Variants in TUBAL3 observed in about 807,000 individuals in gnomAD.
TUBAL3 encodes tubulin alpha chain-like 3.
Under a neutral mutation model 15.5 loss-of-function variants are expected in TUBAL3, and 16 were observed. The ratio of observed to expected loss-of-function variants is 1.04; its 90% CI spans 0.70 to 1.57. The LOEUF (loss-of-function observed/expected upper bound fraction) is 1.57, where lower values mean the gene tolerates loss of function less well. Ranked by LOEUF, TUBAL3 falls within the 40% of genes most tolerant of loss-of-function variation. TUBAL3 has a pLI of 0.00. For missense variants in TUBAL3, 609 were observed against 576.2 expected (o/e 1.06, Z -0.58); for synonymous variants, 238 against 224.3 (o/e 1.06, Z -0.55).
intron 1 of TUBAL3, among the ~76,000 whole-genome samples, chr10:5,403,301 C>T (rs1466304739): frequency 6.6e-6 from 1 of 152,182 alleles, no homozygotes; most frequent in Non-Finnish European, 1.5e-5. Flanking sequence ...GCTGCAAATA[C>T]ATCAGCTGCT....
rs1477840442 is a variant in TUBAL3, at chr10:5,394,943, G to A, written c.396+384C>T. ...ATTAATTATCAGTAAATAGAGTCAC[G>A]CATCTCCAGATAGGGAGTGCCTCTT... On this transcript the variant is annotated intron_variant, in intron 3 of 3. Transcript: ENST00000380419. This position sits in a 1 kb window ranked among gnomAD's most constrained non-coding sequence, Gnocchi z 4.3. Among the ~76,000 whole-genome samples the A allele has an allele frequency of 1.3e-5, 2 of 152,148 alleles. No individual in the cohort carries two copies. The highest frequency in any genetic ancestry group is 4.8e-5 in the African/African-American group (2 of 41,418).
intron 2 of TUBAL3, among the ~76,000 whole-genome samples, chr10:5,400,404 G>A (rs1831831746): frequency 6.6e-6 from 1 of 152,176 alleles, no homozygotes; most frequent in Admixed American, 6.5e-5. Flanking sequence ...GACTAAGGCA[G>A]GTGGGTCACT....
At chr10:5,401,733 A>G (rs782799454) in intron 1 of TUBAL3, among the ~76,000 whole-genome samples, 4 of 152,156 alleles carry the variant, frequency 2.6e-5, no homozygotes, top group Non-Finnish European at 5.9e-5. Flanking sequence ...AATTGATTTT[A>G]TATACATCAA....
chr10:5,403,198 A>G (rs532734751), intron 1 of TUBAL3, among the ~76,000 whole-genome samples: 1 of 152,348 alleles, frequency 6.6e-6, no homozygotes, highest in East Asian at 1.9e-4. Flanking sequence ...CTCTCAAGAC[A>G]GCATATTCTG....
intron 1 of TUBAL3, among the ~76,000 whole-genome samples, chr10:5,402,600 C>T (rs10795274): frequency 0.65 from 99,021 of 152,052 alleles, 32,460 homozygotes; most frequent in Admixed American, 0.72. Flanking sequence ...CCCCAACCCC[C>T]GGGCCACAGA....
In TUBAL3 at chr10:5,395,884, C is replaced by A. The variant is rs1427060843; in HGVS notation, c.248-409G>T. Among the ~76,000 whole-genome samples the A allele has an allele frequency of 6.6e-6, 1 of 152,166 alleles. No homozygotes were observed. Among genetic ancestry groups the A allele is most frequent in the Admixed American group, 6.5e-5 (1 of 15,280 alleles). ...ATCTCTCCTGGCACCGGGTGACTTA[C>A]AATTCTTAGCTCTCCTTGGCTTCTA... On this transcript the variant is annotated intron_variant, in intron 2 of 3. Transcript: ENST00000380419. This position sits in a 1 kb window ranked among gnomAD's most constrained non-coding sequence, Gnocchi z 4.6.
chr10:5,403,212 T>C (rs1173010149), intron 1 of TUBAL3, among the ~76,000 whole-genome samples: 1 of 152,212 alleles, frequency 6.6e-6, no homozygotes, highest in African/African-American at 2.4e-5. Context: ...TATTCTGTTA[T>C]AAACAGGCTT....
intron 1 of TUBAL3, among the ~76,000 whole-genome samples, chr10:5,403,312 G>A (rs934575309): frequency 6.6e-6 from 1 of 152,142 alleles, no homozygotes; most frequent in African/African-American, 2.4e-5. Flanking sequence ...ATCAGCTGCT[G>A]TAATCTGATC....
In TUBAL3 at chr10:5,393,601, G is replaced by C. The variant is rs1554813701; in HGVS notation, c.1257C>G (p.Gly419=). ...RAFLHWYLRE[G]MEEAEFLEAR... ...CCTCCAAGAACTCTGCTTCTTCCAT[G>C]CCTTCTCTGAGGTACCAGTGCAGAA... The change falls in exon 4 of 4, where the codon GGC becomes GGG. Residue 419 remains glycine, a synonymous_variant. Coordinates refer to ENST00000380419, the MANE Select transcript of TUBAL3 (RefSeq NM_024803.3). 3 of 1,614,056 alleles carry C rather than the reference G, an allele frequency of 1.9e-6. No homozygotes were observed. Among genetic ancestry groups the C allele is most frequent in the Admixed American group, 3.3e-5 (2 of 60,002 alleles).
chr10:5,400,948 T>A lies in TUBAL3; in HGVS notation c.143A>T (p.Lys48Ile). 1 of 1,614,216 alleles carries A rather than the reference T, an allele frequency of 6.2e-7. No individual in the cohort carries two copies. Among genetic ancestry groups the A allele is most frequent in the Non-Finnish European group, 8.5e-7 (1 of 1,180,040 alleles). ...DTQQDQLENA[K>I]MEHTNASFDT... Reference sequence around the variant, plus strand: ...GAAAGATGCATTTGTGTGCTCCATTTTTGCATTTTCCAGCTGATCCTGTTG... The same window carrying A: ...GAAAGATGCATTTGTGTGCTCCATTATTGCATTTTCCAGCTGATCCTGTTG... Residue 48 changes from lysine to isoleucine, a missense_variant, in exon 2 of 4, where the codon AAA becomes ATA. By Grantham distance (102) the Lys-to-Ile change is moderately radical. Coordinates refer to ENST00000380419, the MANE Select transcript of TUBAL3 (RefSeq NM_024803.3).
rs782390801 is a variant in TUBAL3, at chr10:5,395,335, G to C, written c.388C>G (p.Arg130Gly). The change falls in exon 3 of 4, where the codon CGG becomes GGG. Residue 130 changes from arginine to glycine, a missense_variant. Coordinates refer to ENST00000380419, the MANE Select transcript of TUBAL3 (RefSeq NM_024803.3). The surrounding 1 kb of genome is among the most constrained non-coding windows in gnomAD (Gnocchi z 4.6). ...EVIDLVLERT[R>G]KLAEQCGGLQ... ...GAGGGGGAGCCACTTGCCAGCTTCC[G>C]GGTCCTCTCCAGCACAAGGTCGATG... 1.3e-6 allele frequency: 2 copies of C among 1,553,236 alleles called. No individual in the cohort carries two copies. The highest frequency in any genetic ancestry group is 1.8e-6 in the Non-Finnish European group (2 of 1,142,400).
chr10:5,396,320 C>A lies in TUBAL3; in HGVS notation c.248-845G>T, dbSNP rs1361659062. ...GTCAGGAGCTTGAGACCAGCCTGGC[C>A]AACATGGTGAAACCCTGTCTCTACT... On this transcript the variant is annotated intron_variant, in intron 2 of 3. Coordinates refer to ENST00000380419, the MANE Select transcript of TUBAL3 (RefSeq NM_024803.3). The surrounding 1 kb of genome is among the most constrained non-coding windows in gnomAD (Gnocchi z 5.1). Among the ~76,000 whole-genome samples the A allele has an allele frequency of 6.6e-6, 1 of 152,070 alleles. No homozygotes were observed. The highest frequency in any genetic ancestry group is 1.5e-5 in the Non-Finnish European group (1 of 67,976).
chr10:5,399,644 C>T (rs1554814464), intron 2 of TUBAL3, among the ~76,000 whole-genome samples: 1 of 152,244 alleles, frequency 6.6e-6, no homozygotes, highest in Non-Finnish European at 1.5e-5. Context: ...CTTTGTACTT[C>T]TATCACCCAG....
chr10:5,397,403 G>A lies in TUBAL3; in HGVS notation c.248-1928C>T, dbSNP rs1371807112. On this transcript the variant is annotated intron_variant, in intron 2 of 3. Coordinates refer to ENST00000380419, the MANE Select transcript of TUBAL3 (RefSeq NM_024803.3). This position sits in a 1 kb window ranked among gnomAD's most constrained non-coding sequence, Gnocchi z 4.9. ...ATAAGTGAAAGTGTAATTCTGGGTG[G>A]ACTATTTCCTTCTTATCTGAAGCTA... 1.3e-5 allele frequency among the ~76,000 whole-genome samples: 2 copies of A among 152,136 alleles called. No homozygotes were observed. Among genetic ancestry groups the A allele is most frequent in the Non-Finnish European group, 2.9e-5 (2 of 68,022 alleles).
chr10:5,396,820 T>C lies in TUBAL3; in HGVS notation c.248-1345A>G, dbSNP rs143975272. Among the ~76,000 whole-genome samples the C allele has an allele frequency of 3.9e-5, 6 of 152,232 alleles. No homozygotes were observed. The highest frequency in any genetic ancestry group is 1.4e-4 in the African/African-American group (6 of 41,444). On this transcript the variant is annotated intron_variant, in intron 2 of 3. Coordinates refer to ENST00000380419, the MANE Select transcript of TUBAL3 (RefSeq NM_024803.3). This position sits in a 1 kb window ranked among gnomAD's most constrained non-coding sequence, Gnocchi z 5.1. ...TAAACAGCAGTGTTTCAGGGCTAAG[T>C]AGGCTTTGGGACGGCTGCCCTGGTT...
rs1831764474 is a variant in TUBAL3 at position 5,396,358 on chromosome 10, A to G, written c.248-883T>C. Among the ~76,000 whole-genome samples, 1 of 151,874 alleles carries G rather than the reference A, an allele frequency of 6.6e-6. No homozygotes were observed. Among genetic ancestry groups the G allele is most frequent in the South Asian group, 2.1e-4 (1 of 4,810 alleles). ...CCCTGTCTCTACTAAAAGTACAGAA[A>G]ATTAGCCAGGCATGGTGGTGGGTGC... is the stretch of plus-strand genomic sequence containing the variant. On this transcript the variant is annotated intron_variant, in intron 2 of 3. Transcript: ENST00000380419. This position sits in a 1 kb window ranked among gnomAD's most constrained non-coding sequence, Gnocchi z 5.1.
chr10:5,404,318 C>G (rs560989943), intron 1 of TUBAL3, among the ~76,000 whole-genome samples: 1 of 152,224 alleles, frequency 6.6e-6, no homozygotes, highest in African/African-American at 2.4e-5. Context: ...CATTGTGGTG[C>G]CCAAAGAACT....
Position 5,400,562 on chromosome 10 carries a change from C to T in TUBAL3, c.247+282G>A, listed in dbSNP as rs547511145. ...AGGAGAATTGCTTGAACCCAGGAGA[C>T]GGAGGTTGCAGTGAGCCCAGATCAC... On this transcript the variant is annotated intron_variant, in intron 2 of 3. Transcript: ENST00000380419. 9.9e-5 allele frequency among the ~76,000 whole-genome samples: 15 copies of T among 152,206 alleles called. No individual in the cohort carries two copies. In the South Asian group the frequency reaches 2.5e-3, roughly 25 times the overall value.
chr10:5,402,465 T>C (rs546925684), intron 1 of TUBAL3, among the ~76,000 whole-genome samples: 1 of 152,346 alleles, frequency 6.6e-6, no homozygotes, highest in South Asian at 2.1e-4. Flanking sequence ...TTTGGGCTGT[T>C]TGACCAGATA....
Sources: allele counts gnomAD v4.1 joint callset (sites outside exome capture counted in the v4.1 genomes callset), GRCh38; gene constraint gnomAD v4.1.1; non-coding constraint Gnocchi (gnomAD v3.1); transcripts MANE v1.5; gene names NCBI Gene and HGNC (gene_info 2026-07-23, HGNC 2026-07-21).